The following MRTFB variants were observed in gnomAD, a reference collection of about 807,000 sequenced individuals.
The protein encoded by MRTFB is myocardin-related transcription factor B.
A neutral mutation model predicts 104.2 loss-of-function variants in MRTFB; 29 were observed. The observed-to-expected ratio is 0.28, with a 90% CI of 0.21 to 0.38. The LOEUF (loss-of-function observed/expected upper bound fraction) is 0.38. MRTFB is among the 10% of genes least tolerant of loss of function. The pLI is 1.00. For missense variants in MRTFB, 1,270 were observed against 1,341.6 expected (o/e 0.95, Z 0.83); for synonymous variants, 535 against 519.5 (o/e 1.03, Z -0.41).
intron 3 of MRTFB, chr16:14,193,914 A>T (rs1033585523): frequency 6.6e-6 from 1 of 152,188 alleles, no homozygotes; most frequent in Non-Finnish European, 1.5e-5. Flanking sequence ...CAGTGGTTCA[A>T]CTTAGGATTT....
Position 14,261,514 on chromosome 16 carries a change from G to C in MRTFB, c.*70G>C. On this transcript the variant is annotated 3_prime_UTR_variant, in exon 17 of 17. Transcript: ENST00000571589. ...GAAGATTCTAAAAGGTCAGTTTTTA[G>C]AGATAGATCTATAGTTGCATTGTTG... 2 of 1,421,504 alleles carry C rather than the reference G, an allele frequency of 1.4e-6. No homozygotes were observed. The highest frequency in any genetic ancestry group is 1.9e-6 in the Non-Finnish European group (2 of 1,047,614). The allele number at this position is 1,421,504 out of a possible 1,614,324, so 88.1% of individuals were successfully genotyped here. A position where few individuals can be genotyped will look rare whatever the true frequency, so the allele number is the denominator to read the frequency against.
At chr16:14,039,841 C>T in the MRTFB span, among the ~76,000 whole-genome samples, 3 of 150,750 alleles carry the variant, frequency 2.0e-5, no homozygotes, top group Non-Finnish European at 2.9e-5. Context: ...CTCCGCCTCC[C>T]GGGTTCAAGT....
the MRTFB span, among the ~76,000 whole-genome samples, chr16:14,026,435 T>C: frequency 6.6e-6 from 1 of 152,158 alleles, no homozygotes; most frequent in African/African-American, 2.4e-5. Context: ...AAACATAAAA[T>C]TATAAAACTT....
intron 3 of MRTFB, among the ~76,000 whole-genome samples, chr16:14,202,800 C>G (rs2040766915): frequency 6.6e-6 from 1 of 152,218 alleles, no homozygotes; most frequent in Non-Finnish European, 1.5e-5. Flanking sequence ...ACACTGCTAT[C>G]TGATCAAACA....
chr16:14,244,640 C>T (rs1293146866), intron 10 of MRTFB, among the ~76,000 whole-genome samples: 2 of 152,136 alleles, frequency 1.3e-5, no homozygotes, highest in Non-Finnish European at 2.9e-5. Flanking sequence ...TTGCAATTTC[C>T]ACATACCTAA....
chr16:14,213,446 C>A, intron 5 of MRTFB, 99 bp from the exon 6 acceptor site: 1 of 760,526 alleles, frequency 1.3e-6, no homozygotes, highest in Non-Finnish European at 2.1e-6. Flanking sequence ...AACACATGAC[C>A]ATAAGCGTAT....
intron 2 of MRTFB, among the ~76,000 whole-genome samples, chr16:14,095,968 T>A: frequency 6.6e-6 from 1 of 152,208 alleles, no homozygotes; most frequent in East Asian, 1.9e-4. Flanking sequence ...GGGAATCATG[T>A]CAGGCAAAAT....
intron 3 of MRTFB, among the ~76,000 whole-genome samples, chr16:14,187,430 A>T (rs1305536003): frequency 6.6e-6 from 1 of 152,200 alleles, no homozygotes; most frequent in Non-Finnish European, 1.5e-5. Context: ...ATTCCAGGAA[A>T]ATTCATTTTT....
intron 3 of MRTFB, among the ~76,000 whole-genome samples, chr16:14,162,948 TC>T (rs1006899679): frequency 1.3e-5 from 2 of 152,226 alleles, no homozygotes; most frequent in Admixed American, 6.5e-5. Flanking sequence ...TAGGTTTTTT[TC>T]CTTCTGCTTC....
intron 8 of MRTFB, among the ~76,000 whole-genome samples, chr16:14,228,948 G>T (rs12596060): frequency 0.88 from 133,172 of 151,852 alleles, 59,326 homozygotes; most frequent in Non-Finnish European, 0.97. Context: ...TTGTTTAATG[G>T]GTATAGTGTA....
At position 14,213,541 on chromosome 16, in the gene MRTFB, A is replaced by G. The variant is rs2041288363; in HGVS notation, c.277-4A>G. On this transcript the variant is annotated splice_region_variant and splice_polypyrimidine_tract_variant and intron_variant, in intron 5 of 16. Transcript: ENST00000571589. ...TTATGGTAAGACTTTTTTTCTTTTT[A>G]AAGACTGAAAACTTTTTGAAACACA... 6.3e-7 allele frequency: 1 copy of G among 1,587,398 alleles called. No individual in the cohort carries two copies. The highest frequency in any genetic ancestry group is 8.5e-7 in the Non-Finnish European group (1 of 1,169,666).
At chr16:14,129,811 T>C (rs578122925) in intron 2 of MRTFB, among the ~76,000 whole-genome samples, 4 of 152,240 alleles carry the variant, frequency 2.6e-5, no homozygotes, top group South Asian at 4.1e-4. Flanking sequence ...GTCATGCATA[T>C]GTCTTCTTTA....
At chr16:14,016,511 G>A in the MRTFB span, among the ~76,000 whole-genome samples, 64,240 of 151,742 alleles carry the variant, frequency 0.42, 14,003 homozygotes, top group Middle Eastern at 0.61. Flanking sequence ...GGTGGCTCAC[G>A]CCTGTAATCC....
At chr16:14,120,854 G>A (rs891567978) in intron 2 of MRTFB, among the ~76,000 whole-genome samples, 11 of 152,128 alleles carry the variant, frequency 7.2e-5, no homozygotes, top group African/African-American at 2.7e-4. Flanking sequence ...ACACAGGTAA[G>A]GTCTGTCTGT....
intron 2 of MRTFB, among the ~76,000 whole-genome samples, chr16:14,120,906 G>C (rs1475904305): frequency 6.6e-6 from 1 of 152,084 alleles, no homozygotes; most frequent in African/African-American, 2.4e-5. Flanking sequence ...TAGAAGTAGG[G>C]CCTGGGCTAT....
the MRTFB span, among the ~76,000 whole-genome samples, chr16:14,012,233 CTT>C: frequency 1.6e-5 from 2 of 127,740 alleles, no homozygotes; most frequent in Non-Finnish European, 1.7e-5. Context: ...TCTTTTTTTT[CTT>C]TTTTTTTTTT....
At chr16:14,061,396 G>A in the MRTFB span, among the ~76,000 whole-genome samples, 10 of 152,276 alleles carry the variant, frequency 6.6e-5, no homozygotes, top group East Asian at 1.4e-3. Context: ...AGAAGCTGGG[G>A]AGCCTGAAGT....
the MRTFB span, among the ~76,000 whole-genome samples, chr16:13,995,735 G>T: frequency 2.0e-5 from 3 of 152,100 alleles, no homozygotes; most frequent in Non-Finnish European, 4.4e-5. Context: ...ATCATCCCTG[G>T]CTGGAGAAGG....
chr16:14,151,326 C>G (rs1418014614), intron 3 of MRTFB: 1 of 152,112 alleles, frequency 6.6e-6, no homozygotes, highest in Non-Finnish European at 1.5e-5. Flanking sequence ...CTAACTTTTT[C>G]TTAATTCTTT....
Sources: gnomAD v4.1 joint callset for allele counts (sites outside exome capture counted in the v4.1 genomes callset) on GRCh38, gnomAD v4.1.1 for gene constraint, MANE v1.5 for transcripts, NCBI Gene and HGNC (gene_info 2026-07-23, HGNC 2026-07-21) for gene names.